HIP1: variants seen among roughly 807,000 people sequenced by gnomAD.
HIP1 encodes huntingtin-interacting protein 1.
HIP1 carries 65 observed loss-of-function variants against 147.6 expected under a neutral mutation model. The observed-to-expected ratio is 0.44, with a 90% CI of 0.36 to 0.54. The LOEUF is 0.54. Among genes scored for constraint, HIP1 ranks in the 20% least tolerant of loss-of-function variants. HIP1 has a pLI of 0.00. For missense variants in HIP1, 1,061 were observed against 1,299.6 expected (o/e 0.82, Z 2.82); for synonymous variants, 479 against 504.0 (o/e 0.95, Z 0.67).
intron 1 of HIP1, among the ~76,000 whole-genome samples, chr7:75,648,540 C>T (rs1201424114): frequency 2.0e-5 from 3 of 152,216 alleles, no homozygotes; most frequent in South Asian, 4.1e-4. Context: ...ACAGATTTGA[C>T]GTCGCAGGGG....
chr7:75,552,982 A>C (rs1794842908), intron 22 of HIP1, among the ~76,000 whole-genome samples: 1 of 150,522 alleles, frequency 6.6e-6, no homozygotes, highest in Non-Finnish European at 1.5e-5. Context: ...TCTTATGCCC[A>C]GGCTGGAGTG....
intron 1 of HIP1, among the ~76,000 whole-genome samples, chr7:75,666,171 A>T (rs139468501): frequency 4.8e-4 from 72 of 148,594 alleles, no homozygotes; most frequent in African/African-American, 1.4e-3. Flanking sequence ...TTAATTAATT[A>T]ATTTTATTTT....
intron 2 of HIP1, among the ~76,000 whole-genome samples, chr7:75,593,586 C>T (rs957017343): frequency 3.4e-5 from 5 of 147,402 alleles, no homozygotes; most frequent in African/African-American, 1.3e-4. Flanking sequence ...GCCAGGATCA[C>T]GCCACTGCAC....
chr7:75,670,786 C>CTT (rs782710876), intron 1 of HIP1, among the ~76,000 whole-genome samples: 10 of 122,840 alleles, frequency 8.1e-5, no homozygotes, highest in Middle Eastern at 5.1e-3. Flanking sequence ...CTAATTAAAA[C>CTT]TTTTTTTTTT....
At chr7:75,679,251 C>T (rs2269885) in intron 1 of HIP1, among the ~76,000 whole-genome samples, 87,349 of 152,054 alleles carry the variant, frequency 0.57, 25,546 homozygotes, top group African/African-American at 0.66. Flanking sequence ...ATCACTCAGG[C>T]TGGAATTCAG....
chr7:75,638,020 A>ACT (rs1798502802), intron 1 of HIP1, among the ~76,000 whole-genome samples: 1 of 97,526 alleles, frequency 1.0e-5, no homozygotes, highest in African/African-American at 4.3e-5. Flanking sequence ...ACACACACAC[A>ACT]CACACACACA....
chr7:75,562,026 C>T (rs1554494655), intron 12 of HIP1, 47 bp downstream of exon 12: 1 of 1,107,982 alleles, frequency 9.0e-7, no homozygotes, highest in Non-Finnish European at 1.4e-6. Context: ...CAGACCATGG[C>T]TTAACTTAGC....
intron 7 of HIP1, among the ~76,000 whole-genome samples, chr7:75,575,177 C>A (rs1191110304): frequency 2.7e-5 from 4 of 145,660 alleles, no homozygotes; most frequent in African/African-American, 1.0e-4. Flanking sequence ...TAAAACAAAA[C>A]AAGCCAGGCA....
intron 18 of HIP1, 108 bp from the exon 19 acceptor site, chr7:75,555,659 A>G: frequency 8.2e-7 from 1 of 1,225,946 alleles, no homozygotes; most frequent in East Asian, 2.4e-5. Context: ...ATGGCCAATG[A>G]GGTCCAAGCC....
chr7:75,732,956 G>A (rs1355104932), intron 1 of HIP1, among the ~76,000 whole-genome samples: 1 of 152,130 alleles, frequency 6.6e-6, no homozygotes, highest in African/African-American at 2.4e-5. Flanking sequence ...CCTCCCTGCT[G>A]ACTCACGAGC....
rs73370145 is a variant in HIP1 at position 75,632,209 on chromosome 7, C to G, written c.121-32962G>C. ...TCTCTTTCAACTCTGTAAGCCTTTT[C>G]GACAGACAAGGACTCAGCCATCCTC... is the stretch of plus-strand genomic sequence containing the variant. On this transcript the variant is annotated intron_variant, in intron 1 of 30. Transcript: ENST00000336926. Among the ~76,000 whole-genome samples the G allele has an allele frequency of 3.3e-5, 5 of 152,226 alleles. No homozygotes were observed. In the South Asian group the frequency reaches 1.0e-3, roughly 32 times the overall value.
intron 1 of HIP1, among the ~76,000 whole-genome samples, chr7:75,697,195 T>C (rs936876995): frequency 6.6e-6 from 1 of 152,228 alleles, no homozygotes; most frequent in Non-Finnish European, 1.5e-5. Context: ...GTACAGTTAA[T>C]ATCCATGTGT....
At chr7:75,729,529 T>C (rs1411516628) in intron 1 of HIP1, among the ~76,000 whole-genome samples, 1 of 152,010 alleles carries the variant, frequency 6.6e-6, no homozygotes, top group Non-Finnish European at 1.5e-5. Context: ...CTCACGCCTG[T>C]ATTCCCAGTA....
At chr7:75,677,880 T>C (rs1554516284) in intron 1 of HIP1, among the ~76,000 whole-genome samples, 1 of 152,038 alleles carries the variant, frequency 6.6e-6, no homozygotes, top group Non-Finnish European at 1.5e-5. Flanking sequence ...TCTGCTTGGT[T>C]GGTTCTATCA....
intron 1 of HIP1, among the ~76,000 whole-genome samples, chr7:75,715,774 CAAAAAAAAAA>C (rs34769081): frequency 2.7e-5 from 1 of 36,718 alleles, no homozygotes; most frequent in Non-Finnish European, 4.6e-5. Context: ...GATCCTGTCT[CAAAAAAAAAA>C]AAAAAAAAAA....
At position 75,537,125 on chromosome 7, in the gene HIP1, G is replaced by A. The variant is rs193173902; in HGVS notation, c.*1047C>T. On this transcript the variant is annotated 3_prime_UTR_variant, in exon 31 of 31. Transcript: ENST00000336926. ...ATTCACGGACAGTTCATTCCGGCAG[G>A]GAAGTAGTGTTGTTGATCTCACCAG... The A allele has an allele frequency of 4.3e-6, 1 of 232,788 alleles. No homozygotes were observed. Among genetic ancestry groups the A allele is most frequent in the East Asian group, 6.1e-5 (1 of 16,514 alleles). 14.4% of individuals were successfully genotyped at this position (232,788 alleles called of 1,614,324 possible).
At position 75,738,859 on chromosome 7, in the gene HIP1, C is replaced by A; in HGVS notation, c.62G>T (p.Arg21Leu). 1 of 1,584,436 alleles carries A rather than the reference C, an allele frequency of 6.3e-7. No homozygotes were observed. The highest frequency in any genetic ancestry group is 1.4e-5 in the African/African-American group (1 of 74,000). Residue 21 changes from arginine to leucine, a missense_variant, in exon 1 of 31, where the codon CGG (arginine) becomes CTG (leucine). Transcript: ENST00000336926. ...CTCCAGCCCAGCGCCGACCCCGCGC[C>A]GGCTCAGCACCTTGGGCAGTGGGTT... The part of the protein sequence containing the change: ...VPNPLPKVLS[R>L]RGVGAGLEAA...
At chr7:75,692,674 C>G (rs564530847) in intron 1 of HIP1, among the ~76,000 whole-genome samples, 7 of 151,566 alleles carry the variant, frequency 4.6e-5, no homozygotes, top group African/African-American at 1.7e-4. Context: ...ATGTGATCTG[C>G]CCGCCTTGGC....
intron 1 of HIP1, among the ~76,000 whole-genome samples, chr7:75,656,108 AC>A (rs1799132151): frequency 6.6e-6 from 1 of 151,834 alleles, no homozygotes; most frequent in Non-Finnish European, 1.5e-5. Context: ...GACAGGCAAG[AC>A]CCCGTCTCAA....
Sources: gnomAD v4.1 joint callset for allele counts (sites outside exome capture counted in the v4.1 genomes callset) on GRCh38, gnomAD v4.1.1 for gene constraint, MANE v1.5 for transcripts, NCBI Gene and HGNC (gene_info 2026-07-23, HGNC 2026-07-21) for gene names.